Variants in LHPP observed in about 807,000 individuals in gnomAD.
LHPP encodes phospholysine phosphohistidine inorganic pyrophosphate phosphatase, also known as hLHPP.
A neutral mutation model predicts 30.3 loss-of-function variants in LHPP; 24 were observed. The observed-to-expected ratio is 0.79, with a 90% CI of 0.57 to 1.11. LHPP has a LOEUF of 1.11. LHPP is among the 50% of genes most tolerant of loss of function. The probability of loss-of-function intolerance (pLI) is 0.00; values close to 1 mark genes in which losing one functional copy is unlikely to be tolerated. For synonymous variants in LHPP, 150 were observed against 157.1 expected (o/e 0.95, Z 0.34); for missense variants, 356 against 367.2 (o/e 0.97, Z 0.25).
intron 1 of LHPP, among the ~76,000 whole-genome samples, chr10:124,470,317 G>C (rs1313724384): frequency 6.6e-6 from 1 of 152,132 alleles, no homozygotes; most frequent in Admixed American, 6.5e-5. Context: ...CGGCGTTTTT[G>C]GAGCCGGCGG....
In LHPP at chr10:124,500,759, G is replaced by A. The variant is rs182055346; in HGVS notation, c.624+2631G>A. Among the ~76,000 whole-genome samples the A allele has an allele frequency of 9.9e-5, 15 of 151,922 alleles. No individual in the cohort carries two copies. In the East Asian group the frequency reaches 1.9e-3, roughly 20 times the overall value. On this transcript the variant is annotated intron_variant, in intron 5 of 6. Transcript: ENST00000368842. Reference sequence around the variant, plus strand: ...AAAAAATAGAAAATAACAAGTGTTGGCAAGGATGTAGAGAAATTGGAACCC... The same window carrying A: ...AAAAAATAGAAAATAACAAGTGTTGACAAGGATGTAGAGAAATTGGAACCC...
At chr10:124,609,600 A>T (rs951490539) in intron 6 of LHPP, among the ~76,000 whole-genome samples, 1 of 152,230 alleles carries the variant, frequency 6.6e-6, no homozygotes, top group Non-Finnish European at 1.5e-5. Flanking sequence ...GTGCTCTAAA[A>T]GTGAAGAATA....
intron 6 of LHPP, among the ~76,000 whole-genome samples, chr10:124,588,810 C>G (rs569505695): frequency 6.6e-6 from 1 of 152,292 alleles, no homozygotes; most frequent in African/African-American, 2.4e-5. Context: ...TCCCTTGTCC[C>G]CTCCCTCCTC....
At chr10:124,527,134 C>T (rs756982585) in intron 6 of LHPP, among the ~76,000 whole-genome samples, 4 of 152,240 alleles carry the variant, frequency 2.6e-5, no homozygotes, top group Non-Finnish European at 4.4e-5. Context: ...TCTGCCTTTC[C>T]GCTGCTGCTC....
rs1954474141 is a variant in LHPP, at chr10:124,517,041, C to T, written c.625-139C>T. The T allele has an allele frequency of 3.4e-6, 2 of 592,700 alleles. No homozygotes were observed. Among genetic ancestry groups the T allele is most frequent in the Non-Finnish European group, 5.8e-6 (2 of 342,434 alleles). The allele number at this position is 592,700 out of a possible 1,614,324, so 36.7% of individuals were successfully genotyped here. A position where few individuals can be genotyped will look rare whatever the true frequency, so the allele number is the denominator to read the frequency against. On this transcript the variant is annotated intron_variant, in intron 5 of 6. Transcript: ENST00000368842. This position sits in a 1 kb window ranked among gnomAD's most constrained non-coding sequence, Gnocchi z 4.1. ...GGTTGACTTTTAATCAATACGATGA[C>T]AATATTATCTTGTTTAATTTGTATG... is the stretch of plus-strand genomic sequence containing the variant.
At chr10:124,601,840 C>G (rs936516284) in intron 6 of LHPP, among the ~76,000 whole-genome samples, 1 of 152,246 alleles carries the variant, frequency 6.6e-6, no homozygotes, top group African/African-American at 2.4e-5. Flanking sequence ...CTGTTGACCA[C>G]CAGGCTGCAG....
intron 2 of LHPP, among the ~76,000 whole-genome samples, chr10:124,485,931 A>C (rs1248099356): frequency 6.6e-6 from 1 of 151,952 alleles, no homozygotes; most frequent in East Asian, 1.9e-4. Flanking sequence ...CCCTTCACCT[A>C]GATTGTCAAT....
At chr10:124,499,743 G>T (rs1953847352) in intron 5 of LHPP, among the ~76,000 whole-genome samples, 1 of 151,954 alleles carries the variant, frequency 6.6e-6, no homozygotes, top group South Asian at 2.1e-4. Flanking sequence ...CATGGGTTGG[G>T]GGTCCCTCAG....
intron 1 of LHPP, among the ~76,000 whole-genome samples, chr10:124,483,273 G>A (rs1481439282): frequency 4.6e-5 from 7 of 152,142 alleles, no homozygotes; most frequent in Admixed American, 6.5e-5. Flanking sequence ...ACCTGTCTCG[G>A]GCCATCTGCC....
intron 6 of LHPP, among the ~76,000 whole-genome samples, chr10:124,572,655 G>GAAAGAAAGA (rs56222967): frequency 2.3e-4 from 10 of 44,384 alleles, no homozygotes; most frequent in African/African-American, 7.6e-4. Context: ...AGTAAGAAAG[G>GAAAGAAAGA]AAAGGAAAGA....
chr10:124,516,456 TC>T (rs535938617), intron 5 of LHPP, among the ~76,000 whole-genome samples: 2 of 152,202 alleles, frequency 1.3e-5, no homozygotes, highest in African/African-American at 4.8e-5. Context: ...ACAGCACCCC[TC>T]CTGTGTCCAC....
Position 124,523,550 on chromosome 10 carries a change from A to G in LHPP, c.716+6279A>G, listed in dbSNP as rs773258535. Among the ~76,000 whole-genome samples, 1 of 152,212 alleles carries G rather than the reference A, an allele frequency of 6.6e-6. No individual in the cohort carries two copies. Among genetic ancestry groups the G allele is most frequent in the Non-Finnish European group, 1.5e-5 (1 of 68,032 alleles). On this transcript the variant is annotated intron_variant, in intron 6 of 6. Transcript: ENST00000368842. This position sits in a 1 kb window ranked among gnomAD's most constrained non-coding sequence, Gnocchi z 4.2. ...GAAGGCTGTGGATTCGCTTTGGAAC[A>G]TGACAGATTTTTCTTCTGTGCTACG...
intron 6 of LHPP, among the ~76,000 whole-genome samples, chr10:124,575,742 G>C (rs10901769): frequency 0.37 from 56,496 of 151,982 alleles, 11,383 homozygotes; most frequent in South Asian, 0.47. Context: ...ACTGCGTCAC[G>C]TGGTCGGATC....
chr10:124,539,123 A>G (rs1477880614), intron 6 of LHPP, among the ~76,000 whole-genome samples: 2 of 152,168 alleles, frequency 1.3e-5, no homozygotes, highest in South Asian at 4.1e-4. Flanking sequence ...GAGGCATACC[A>G]GAGGACCCCC....
rs1220039754 is a variant in LHPP at position 124,541,095 on chromosome 10, CCCTGGGATGGCCGGAGGAGAGCCTG to C, written c.716+23827_716+23851del. 3.3e-5 allele frequency among the ~76,000 whole-genome samples: 5 copies of C among 152,146 alleles called. No homozygotes were observed. The highest frequency in any genetic ancestry group is 6.5e-5 in the Admixed American group (1 of 15,278). On this transcript the variant is annotated intron_variant, in intron 6 of 6. Coordinates refer to ENST00000368842, the MANE Select transcript of LHPP (RefSeq NM_022126.4). The surrounding 1 kb of genome is among the most constrained non-coding windows in gnomAD (Gnocchi z 4.2). Reference sequence around the variant, plus strand: ...CCCCAAATCACAAAGTGGCCCTGGGCCCTGGGATGGCCGGAGGAGAGCCTGCCATACCCACGCAGTGTGCCTGAGT... The same window carrying C: ...CCCCAAATCACAAAGTGGCCCTGGGCCCATACCCACGCAGTGTGCCTGAGT...
chr10:124,551,528 G>GT (rs1217759113), intron 6 of LHPP, among the ~76,000 whole-genome samples: 1 of 152,196 alleles, frequency 6.6e-6, no homozygotes, highest in Admixed American at 6.5e-5. Flanking sequence ...CCCTCGGGGT[G>GT]GAGGCTGGTG....
intron 6 of LHPP, among the ~76,000 whole-genome samples, chr10:124,581,127 T>C (rs1218350519): frequency 6.6e-6 from 1 of 152,082 alleles, no homozygotes; most frequent in East Asian, 1.9e-4. Flanking sequence ...GGTTTCCCTG[T>C]TCTAAATATT....
rs1170017808 is a variant in LHPP, at chr10:124,478,235, C to T, written c.126-5904C>T. On this transcript the variant is annotated intron_variant, in intron 1 of 6. Transcript: ENST00000368842. This position sits in a 1 kb window ranked among gnomAD's most constrained non-coding sequence, Gnocchi z 4.7. ...CTGGCTGGGTGCATGGCTGTGGGGC[C>T]TCCAGGAGGAAGAGGTGTATGAACC... Among the ~76,000 whole-genome samples, 1 of 152,176 alleles carries T rather than the reference C, an allele frequency of 6.6e-6. No homozygotes were observed. The highest frequency in any genetic ancestry group is 1.9e-4 in the East Asian group (1 of 5,196).
At chr10:124,489,936 T>C in intron 3 of LHPP, 1 of 181,610 alleles carries the variant, frequency 5.5e-6, no homozygotes, top group Non-Finnish European at 1.1e-5. Context: ...CAGCACTCCA[T>C]CTGTGGGTGT....
Sources: allele counts gnomAD v4.1 joint callset (sites outside exome capture counted in the v4.1 genomes callset), GRCh38; gene constraint gnomAD v4.1.1; non-coding constraint Gnocchi (gnomAD v3.1); transcripts MANE v1.5; gene names NCBI Gene and HGNC (gene_info 2026-07-23, HGNC 2026-07-21).